LUZP2: variants seen among roughly 807,000 people sequenced by gnomAD.
The protein encoded by LUZP2 is leucine zipper protein 2.
Under a neutral mutation model 51.6 loss-of-function variants are expected in LUZP2, and 52 were observed. That is an observed-to-expected ratio of 1.01 (90% confidence interval 0.81 to 1.27). The LOEUF (loss-of-function observed/expected upper bound fraction) is 1.27. Ranked by LOEUF, LUZP2 falls within the 50% of genes most tolerant of loss-of-function variation. The probability of loss-of-function intolerance (pLI) is 0.00; values close to 1 mark genes in which losing one functional copy is unlikely to be tolerated. For synonymous variants in LUZP2, 154 were observed against 137.3 expected, an observed-to-expected ratio of 1.12 and a Z score of -0.85; for missense variants, 436 against 395.4, an observed-to-expected ratio of 1.10 and a Z score of -0.87.
intron 5 of LUZP2, among the ~76,000 whole-genome samples, chr11:24,875,753 C>T (rs1175314205): frequency 6.6e-6 from 1 of 152,180 alleles, no homozygotes; most frequent in East Asian, 1.9e-4. Context: ...TCCAAATCCT[C>T]TCCAGCACCT....
intron 1 of LUZP2, among the ~76,000 whole-genome samples, chr11:24,535,328 C>T (rs1248907456): frequency 1.3e-5 from 2 of 151,512 alleles, no homozygotes; most frequent in Non-Finnish European, 3.0e-5. Flanking sequence ...TTTACCATTG[C>T]TGTAACAAAA....
intron 5 of LUZP2, among the ~76,000 whole-genome samples, chr11:24,818,696 T>C (rs1850263694): frequency 6.6e-6 from 1 of 152,128 alleles, no homozygotes; most frequent in Admixed American, 6.6e-5. Context: ...CTCTATGTTA[T>C]GCAAAGGACA....
At chr11:24,649,194 G>A (rs1387380328) in intron 1 of LUZP2, among the ~76,000 whole-genome samples, 1 of 151,958 alleles carries the variant, frequency 6.6e-6, no homozygotes, top group Non-Finnish European at 1.5e-5. Context: ...TAGTGGTGTT[G>A]GTGGATGGCC....
chr11:24,725,162 A>C (rs1306765731), intron 1 of LUZP2, among the ~76,000 whole-genome samples: 1 of 152,214 alleles, frequency 6.6e-6, no homozygotes, highest in African/African-American at 2.4e-5. Flanking sequence ...TGAAACTGTC[A>C]ACAAAAACAA....
chr11:24,964,984 G>T (rs1035157122), intron 7 of LUZP2, among the ~76,000 whole-genome samples: 24 of 151,788 alleles, frequency 1.6e-4, no homozygotes, highest in African/African-American at 5.5e-4. Context: ...ACAATTTCTA[G>T]ATGTGTAGTT....
intron 1 of LUZP2, among the ~76,000 whole-genome samples, chr11:24,656,776 G>A (rs12573950): frequency 0.19 from 28,816 of 152,086 alleles, 2,817 homozygotes; most frequent in East Asian, 0.31. Flanking sequence ...TCCTAAGTCC[G>A]CTTTGCGCTC....
chr11:24,850,726 A>G (rs985161043), intron 5 of LUZP2, among the ~76,000 whole-genome samples: 2 of 152,088 alleles, frequency 1.3e-5, no homozygotes, highest in Non-Finnish European at 2.9e-5. Context: ...GTCCATTTTC[A>G]CGATATTGAT....
chr11:24,920,049 A>G (rs1356282851), intron 7 of LUZP2, among the ~76,000 whole-genome samples: 1 of 151,822 alleles, frequency 6.6e-6, no homozygotes, highest in Non-Finnish European at 1.5e-5. Context: ...TTATTATTGG[A>G]TGGTTTAAAG....
chr11:24,676,206 A>G (rs72882416), intron 1 of LUZP2, among the ~76,000 whole-genome samples: 28,161 of 152,158 alleles, frequency 0.19, 2,709 homozygotes, highest in East Asian at 0.33. Flanking sequence ...TTGAAAGAGA[A>G]GATTAGAAAT....
At chr11:24,677,909 C>T (rs1418819781) in intron 1 of LUZP2, among the ~76,000 whole-genome samples, 3 of 151,790 alleles carry the variant, frequency 2.0e-5, no homozygotes, top group Non-Finnish European at 2.9e-5. Flanking sequence ...TGGTGGCGGG[C>T]GCCTGTAGTC....
chr11:24,682,641 T>TAC (rs947645293), intron 1 of LUZP2, among the ~76,000 whole-genome samples: 14 of 137,594 alleles, frequency 1.0e-4, no homozygotes, highest in East Asian at 9.3e-4. Flanking sequence ...CACATATATA[T>TAC]ACACACACAC....
rs553723571 is a variant in LUZP2, at chr11:24,958,670, T to G, written c.523-17921T>G. ...GGATATTAGCCCTTTGTCAGATGAG[T>G]AGGTTGTGAAAATTTTCTCCCATTT... On this transcript the variant is annotated intron_variant, in intron 7 of 11. Transcript: ENST00000336930. Among the ~76,000 whole-genome samples the G allele has an allele frequency of 3.3e-5, 5 of 152,242 alleles. No individual in the cohort carries two copies. In the East Asian group the frequency reaches 7.7e-4, roughly 24 times the overall value.
chr11:24,946,673 T>C (rs1329164788), intron 7 of LUZP2, among the ~76,000 whole-genome samples: 1 of 151,952 alleles, frequency 6.6e-6, no homozygotes, highest in African/African-American at 2.4e-5. Flanking sequence ...ACCACGTATG[T>C]TACCTTTTGT....
chr11:25,000,267 C>T (rs1856643373), intron 9 of LUZP2, among the ~76,000 whole-genome samples: 1 of 152,126 alleles, frequency 6.6e-6, no homozygotes. Context: ...CCCAGAAGCC[C>T]AAGCCGGCTT....
At chr11:24,956,923 T>TA (rs199531980) in intron 7 of LUZP2, among the ~76,000 whole-genome samples, 15 of 151,650 alleles carry the variant, frequency 9.9e-5, no homozygotes, top group Non-Finnish European at 1.5e-4. Context: ...ATTCATGGAA[T>TA]AAAAAAAAAT....
chr11:25,049,256 A>G (rs552112214), intron 9 of LUZP2, among the ~76,000 whole-genome samples: 1 of 152,244 alleles, frequency 6.6e-6, no homozygotes, highest in South Asian at 2.1e-4. Flanking sequence ...AGCATTTACT[A>G]GTTTATTTTG....
At chr11:24,821,442 G>GAT (rs540755343) in intron 5 of LUZP2, among the ~76,000 whole-genome samples, 58 of 152,106 alleles carry the variant, frequency 3.8e-4, no homozygotes, top group African/African-American at 1.3e-3. Flanking sequence ...ATTAATTTAA[G>GAT]ATATATATCT....
At chr11:24,796,635 A>G (rs1849554410) in intron 5 of LUZP2, among the ~76,000 whole-genome samples, 1 of 151,722 alleles carries the variant, frequency 6.6e-6, no homozygotes, top group Non-Finnish European at 1.5e-5. Flanking sequence ...GGCTTGTGAT[A>G]AGACTGCTGG....
chr11:24,518,425 C>T (rs977291855), intron 1 of LUZP2, among the ~76,000 whole-genome samples: 1 of 152,030 alleles, frequency 6.6e-6, no homozygotes, highest in Non-Finnish European at 1.5e-5. Flanking sequence ...TCTGGGCTAA[C>T]AAGATAACAA....
Sources: gnomAD v4.1 joint callset for allele counts (sites outside exome capture counted in the v4.1 genomes callset) on GRCh38, gnomAD v4.1.1 for gene constraint, MANE v1.5 for transcripts, NCBI Gene and HGNC (gene_info 2026-07-23, HGNC 2026-07-21) for gene names.